The following PTPN13 variants were observed in gnomAD, a reference collection of about 807,000 sequenced individuals.
PTPN13 encodes the protein protein tyrosine phosphatase non-receptor type 13, also known as tyrosine-protein phosphatase non-receptor type 13.
PTPN13 carries 191 observed loss-of-function variants against 284.0 expected under a neutral mutation model. The observed-to-expected ratio is 0.67, with a 90% confidence interval of 0.60 to 0.76. The LOEUF is 0.76. PTPN13 is among the 30% of genes least tolerant of loss of function. The probability of loss-of-function intolerance (pLI) is 0.00; values close to 1 mark genes in which losing one functional copy is unlikely to be tolerated. For missense variants in PTPN13, 2,797 were observed against 2,939.9 expected, an observed-to-expected ratio of 0.95 and a Z score of 1.12; for synonymous variants, 986 against 1,022.3, an observed-to-expected ratio of 0.96 and a Z score of 0.68.
At chr4:86,721,346 G>A (rs1286453227) in intron 9 of PTPN13, among the ~76,000 whole-genome samples, 3 of 152,014 alleles carry the variant, frequency 2.0e-5, no homozygotes. Flanking sequence ...GGTAATCATT[G>A]AGCACCTGCC....
At chr4:86,800,557 CAG>C (rs1216629443) in intron 42 of PTPN13, among the ~76,000 whole-genome samples, 1 of 151,994 alleles carries the variant, frequency 6.6e-6, no homozygotes, top group Non-Finnish European at 1.5e-5. Flanking sequence ...GAGGCTGAGA[CAG>C]GAGAATCGCT....
Position 86,722,262 on chromosome 4 carries a change from T to C in PTPN13, c.1436T>C (p.Met479Thr), listed in dbSNP as rs1371296920. ...GGCAACTTAATTAATCAAGAGATCA[T>C]GCTAAAACGGCAAGAGGAAGAACTG... ...FEGNLINQEI[M>T]LKRQEEELMQ... is the part of the protein sequence containing the mutation. The change falls in exon 10 of 48, where the codon ATG (methionine) becomes ACG (threonine). Residue 479 changes from methionine (M) to threonine (T), a missense_variant. By Grantham distance (81) the Met-to-Thr change is moderately conservative. Coordinates refer to ENST00000411767, the MANE Select transcript of PTPN13 (RefSeq NM_080683.3). The C allele has an allele frequency of 6.2e-7, 1 of 1,613,830 alleles. No individual in the cohort carries two copies. Among genetic ancestry groups the C allele is most frequent in the Middle Eastern group, 1.6e-4 (1 of 6,062 alleles).
intron 1 of PTPN13, among the ~76,000 whole-genome samples, chr4:86,597,301 G>T (rs555016825): frequency 6.6e-6 from 1 of 151,966 alleles, no homozygotes; most frequent in South Asian, 2.1e-4. Flanking sequence ...GCAGTGGCTC[G>T]ATCATGGCTC....
At chr4:86,639,484 A>G (rs1227898220) in intron 2 of PTPN13, among the ~76,000 whole-genome samples, 2 of 152,144 alleles carry the variant, frequency 1.3e-5, no homozygotes, top group African/African-American at 2.4e-5. Context: ...ACACCATGGA[A>G]TACTATGCAG....
At chr4:86,661,308 G>A (rs932765532) in intron 2 of PTPN13, 69 of 243,190 alleles carry the variant, frequency 2.8e-4, no homozygotes, top group African/African-American at 1.5e-3. Flanking sequence ...TGTGACTAAG[G>A]CTTTTACAGA....
intron 2 of PTPN13, among the ~76,000 whole-genome samples, chr4:86,663,606 A>G (rs973816857): frequency 6.6e-6 from 1 of 152,166 alleles, no homozygotes; most frequent in Admixed American, 6.5e-5. Flanking sequence ...TGCCATAATT[A>G]TGGGGCAGCA....
chr4:86,651,968 A>G (rs1034605579), intron 2 of PTPN13, among the ~76,000 whole-genome samples: 2 of 152,178 alleles, frequency 1.3e-5, no homozygotes, highest in Non-Finnish European at 2.9e-5. Context: ...TCCAAGCTAC[A>G]CAGGAGGCTG....
intron 6 of PTPN13, 69 bp downstream of exon 6, chr4:86,693,743 C>T: frequency 2.7e-6 from 3 of 1,122,668 alleles, no homozygotes; most frequent in Non-Finnish European, 3.7e-6. Context: ...CAAAATTATA[C>T]TTACCTGGCT....
At chr4:86,617,789 A>C (rs1720740528) in intron 1 of PTPN13, among the ~76,000 whole-genome samples, 1 of 151,622 alleles carries the variant, frequency 6.6e-6, no homozygotes, top group Admixed American at 6.6e-5. Context: ...TTTTTCTTGT[A>C]AATTTGTTTG....
At chr4:86,690,407 T>G (rs1039452043) in intron 5 of PTPN13, 6 of 152,186 alleles carry the variant, frequency 3.9e-5, no homozygotes, top group Non-Finnish European at 8.8e-5. Flanking sequence ...GGAAATTAAA[T>G]GTATTTTCAC....
chr4:86,731,021 AACTTTT>A (rs1734885608), intron 10 of PTPN13, among the ~76,000 whole-genome samples: 3 of 152,326 alleles, frequency 2.0e-5, no homozygotes, highest in Admixed American at 1.3e-4. Context: ...CCTTATGTTG[AACTTTT>A]ACTTTTACAT....
At chr4:86,733,472 A>G (rs895664176) in intron 12 of PTPN13, among the ~76,000 whole-genome samples, 1 of 152,154 alleles carries the variant, frequency 6.6e-6, no homozygotes, top group Non-Finnish European at 1.5e-5. Flanking sequence ...TTGACAGGTT[A>G]AAGGATCCTA....
intron 1 of PTPN13, among the ~76,000 whole-genome samples, chr4:86,632,160 A>G (rs1402351250): frequency 6.6e-6 from 1 of 152,150 alleles, no homozygotes; most frequent in Non-Finnish European, 1.5e-5. Flanking sequence ...CTTAAACTCC[A>G]TAATTAAAAG....
At chr4:86,705,920 G>A (rs976014529) in intron 7 of PTPN13, among the ~76,000 whole-genome samples, 1 of 151,928 alleles carries the variant, frequency 6.6e-6, no homozygotes, top group Non-Finnish European at 1.5e-5. Flanking sequence ...TTCTTTGGGT[G>A]TTCTAGGAGG....
Position 86,771,553 on chromosome 4 carries a change from T to C in PTPN13, c.5168+18T>C. ...GAGGACAGGTATCATCAATATAATG[T>C]GAACCGCTCAAAGCAACTGGTTGTT... On this transcript the variant is annotated intron_variant, in intron 31 of 47. Coordinates refer to ENST00000411767, the MANE Select transcript of PTPN13 (RefSeq NM_080683.3). The C allele has an allele frequency of 6.5e-7, 1 of 1,542,080 alleles. No homozygotes were observed. Among genetic ancestry groups the C allele is most frequent in the Non-Finnish European group, 8.8e-7 (1 of 1,140,524 alleles).
At position 86,753,000 on chromosome 4, in the gene PTPN13, A is replaced by G; in HGVS notation, c.3167-9A>G. 1 of 1,592,836 alleles carries G rather than the reference A, an allele frequency of 6.3e-7. No homozygotes were observed. Among genetic ancestry groups the G allele is most frequent in the South Asian group, 1.1e-5 (1 of 88,868 alleles). ...TTATGAAATGTCTAATATTTAATTT[A>G]TGCCACAGGAATGACTATGCATAGT... On this transcript the variant is annotated splice_polypyrimidine_tract_variant and intron_variant, in intron 19 of 47. Coordinates refer to ENST00000411767, the MANE Select transcript of PTPN13 (RefSeq NM_080683.3).
In PTPN13 at chr4:86,771,397, C is replaced by T. The variant is rs760446014; in HGVS notation, c.5030C>T (p.Ser1677Leu). 1 of 1,568,044 alleles carries T rather than the reference C, an allele frequency of 6.4e-7. No homozygotes were observed. The highest frequency in any genetic ancestry group is 1.9e-5 in the Admixed American group (1 of 52,774). The change falls in exon 31 of 48, where the codon TCA (serine) becomes TTA (leucine). Residue 1677 changes from serine (S) to leucine (L), a missense_variant. Coordinates refer to ENST00000411767, the MANE Select transcript of PTPN13 (RefSeq NM_080683.3). ...PANISNSTWS[S>L]ALHQTLSNMV... ...AACATATCAAATTCGACCTGGAGTT[C>T]AGCTTTGCATCAGACTCTAAGCAAC... is the stretch of plus-strand genomic sequence containing the variant.
rs1160809915 is a variant in PTPN13, at chr4:86,745,122, G to C, written c.2644G>C (p.Asp882His). The C allele has an allele frequency of 1.4e-5, 22 of 1,608,772 alleles. No individual in the cohort carries two copies. Among genetic ancestry groups the C allele is most frequent in the Non-Finnish European group, 1.8e-5 (21 of 1,178,084 alleles). The change falls in exon 17 of 48, where the codon GAT becomes CAT. Residue 882 changes from aspartate to histidine, a missense_variant. Asp to His is a moderately conservative substitution (Grantham distance 81). Transcript: ENST00000411767. ...RARQSNQDAQ[D>H]IERASFRSLN... ...AAGACAGAGCAACCAAGATGCCCAA[G>C]ATATTGGTAAGGAGAAGCAGACTAT...
intron 1 of PTPN13, among the ~76,000 whole-genome samples, chr4:86,601,054 C>T (rs567358485): frequency 6.6e-6 from 1 of 152,104 alleles, no homozygotes; most frequent in African/African-American, 2.4e-5. Context: ...ATGCTGATTT[C>T]TCTGCCTGGT....
Sources: allele counts gnomAD v4.1 joint callset (sites outside exome capture counted in the v4.1 genomes callset), GRCh38; gene constraint gnomAD v4.1.1; transcripts MANE v1.5; gene names NCBI Gene and HGNC (gene_info 2026-07-23, HGNC 2026-07-21).